The following SPAG9 variants were observed in gnomAD, a reference collection of about 807,000 sequenced individuals.
SPAG9 encodes the protein C-Jun-amino-terminal kinase-interacting protein 4.
In SPAG9, 35 loss-of-function variants were observed where a neutral mutation model predicts 166.5. The ratio of observed to expected loss-of-function variants is 0.21; its 90% CI spans 0.16 to 0.28. SPAG9 has a LOEUF of 0.28. Ranked by LOEUF, SPAG9 falls within the 10% of genes least tolerant of loss-of-function variation. The pLI is 1.00. For synonymous variants in SPAG9, 534 were observed against 565.5 expected (o/e 0.94, Z 0.79); for missense variants, 1,235 against 1,603.3 (o/e 0.77, Z 3.92).
chr17:51,003,698 T>C (rs1046161727), intron 12 of SPAG9, among the ~76,000 whole-genome samples: 2 of 152,202 alleles, frequency 1.3e-5, no homozygotes, highest in African/African-American at 2.4e-5. Flanking sequence ...GCTGAAAGGT[T>C]TGGGACATAA....
chr17:50,978,460 A>G (rs1305203365), intron 26 of SPAG9, among the ~76,000 whole-genome samples: 2 of 152,212 alleles, frequency 1.3e-5, no homozygotes, highest in Admixed American at 1.3e-4. Context: ...GACATTTCTA[A>G]TAATCATTAT....
chr17:51,112,178 T>TAGTC (rs2049132095), intron 1 of SPAG9, among the ~76,000 whole-genome samples: 1 of 152,000 alleles, frequency 6.6e-6, no homozygotes. Context: ...AGTGTCTGAA[T>TAGTC]GACTAGGTGC....
At chr17:51,042,288 A>T (rs1384354317) in intron 4 of SPAG9, among the ~76,000 whole-genome samples, 1 of 152,224 alleles carries the variant, frequency 6.6e-6, no homozygotes, top group Non-Finnish European at 1.5e-5. Flanking sequence ...CCAAATAAGA[A>T]GGTCAAATAA....
intron 2 of SPAG9, among the ~76,000 whole-genome samples, chr17:51,064,125 T>C (rs572026132): frequency 1.3e-5 from 2 of 152,282 alleles, no homozygotes; most frequent in Non-Finnish European, 2.9e-5. Flanking sequence ...CCTTAACTAA[T>C]TCATTTATCT....
chr17:51,061,914 A>T (rs1350759264), intron 2 of SPAG9, among the ~76,000 whole-genome samples: 2 of 152,298 alleles, frequency 1.3e-5, no homozygotes, highest in Non-Finnish European at 2.9e-5. Flanking sequence ...CCTCAGAAAT[A>T]ACATTTGATA....
chr17:51,001,251 G>C (rs892621427), intron 13 of SPAG9, among the ~76,000 whole-genome samples: 1 of 152,192 alleles, frequency 6.6e-6, no homozygotes, highest in Non-Finnish European at 1.5e-5. Flanking sequence ...TGGCAGCATT[G>C]GGTGAGATTT....
chr17:51,066,652 C>T (rs917050490), intron 2 of SPAG9, among the ~76,000 whole-genome samples: 4 of 151,102 alleles, frequency 2.6e-5, no homozygotes, highest in African/African-American at 7.3e-5. Context: ...GTCAGGAGAT[C>T]GAGACCATCC....
intron 5 of SPAG9, among the ~76,000 whole-genome samples, chr17:51,040,990 G>A (rs2046816920): frequency 6.6e-6 from 1 of 152,070 alleles, no homozygotes; most frequent in Non-Finnish European, 1.5e-5. Flanking sequence ...CAAGTTCTTG[G>A]TCAAGAACAT....
intron 28 of SPAG9, among the ~76,000 whole-genome samples, chr17:50,972,963 C>T (rs903011722): frequency 6.6e-6 from 1 of 152,132 alleles, no homozygotes; most frequent in Non-Finnish European, 1.5e-5. Context: ...TACACATGCA[C>T]ACAAGAAGGT....
At chr17:51,089,663 T>TATATATATATAC (rs1403230293) in intron 1 of SPAG9, among the ~76,000 whole-genome samples, 4 of 78,288 alleles carry the variant, frequency 5.1e-5, no homozygotes, top group East Asian at 3.4e-4. Flanking sequence ...TATATATATA[T>TATATATATATAC]ACACATACAC....
chr17:51,079,450 G>A, intron 2 of SPAG9, 134 bp downstream of exon 2: 3 of 684,358 alleles, frequency 4.4e-6, no homozygotes, highest in Non-Finnish European at 7.3e-6. Flanking sequence ...TGTTGACCAG[G>A]CTGGTCTTGA....
At chr17:51,021,103 A>G (rs966939500) in intron 7 of SPAG9, 55 bp downstream of exon 7, 4 of 1,453,818 alleles carry the variant, frequency 2.8e-6, no homozygotes, top group African/African-American at 2.8e-5. Context: ...TCATACCCAC[A>G]TTATCCAGGT....
At position 51,045,257 on chromosome 17, in the gene SPAG9, A is replaced by C. The variant is rs192580603; in HGVS notation, c.590+2118T>G. The stretch of plus-strand genomic sequence containing the variant: ...GCCCTCTCAAATGAAGCCTAAACCC[A>C]AGACATCCCCTTAACATTAGTCTTA... On this transcript the variant is annotated intron_variant, in intron 4 of 29. Coordinates refer to ENST00000262013, the MANE Select transcript of SPAG9 (RefSeq NM_001130528.3). Among the ~76,000 whole-genome samples, 484 of 152,306 alleles carry C rather than the reference A, an allele frequency of 3.2e-3. 2 individuals carry two copies. Among genetic ancestry groups the C allele is most frequent in the African/African-American group, 0.011 (465 of 41,564 alleles).
At chr17:50,968,082 C>G (rs1973495709) in intron 29 of SPAG9, among the ~76,000 whole-genome samples, 1 of 152,216 alleles carries the variant, frequency 6.6e-6, no homozygotes, top group African/African-American at 2.4e-5. Flanking sequence ...AGTGGAGTCC[C>G]TAACAACTCC....
At chr17:50,981,813 C>T (rs374923897) in intron 25 of SPAG9, among the ~76,000 whole-genome samples, 1 of 151,268 alleles carries the variant, frequency 6.6e-6, no homozygotes, top group South Asian at 2.1e-4. Flanking sequence ...GGGCGGATCA[C>T]GAGGTTGGGA....
At chr17:51,000,791 A>G (rs2044911046) in intron 13 of SPAG9, among the ~76,000 whole-genome samples, 1 of 148,448 alleles carries the variant, frequency 6.7e-6, no homozygotes, top group South Asian at 2.2e-4. Context: ...ATAAATAAAT[A>G]AGGTCCACTT....
At chr17:51,097,848 G>C (rs1261476468) in intron 1 of SPAG9, among the ~76,000 whole-genome samples, 1 of 152,122 alleles carries the variant, frequency 6.6e-6, no homozygotes, top group Non-Finnish European at 1.5e-5. Flanking sequence ...CTGGGTTGGA[G>C]TGCAGGTGAC....
intron 4 of SPAG9, among the ~76,000 whole-genome samples, chr17:51,045,072 AC>A (rs1354835099): frequency 6.6e-6 from 1 of 152,158 alleles, no homozygotes; most frequent in Non-Finnish European, 1.5e-5. Flanking sequence ...AAACCACCCA[AC>A]GGGGTAAGTC....
At chr17:51,027,067 G>A (rs533137405) in intron 6 of SPAG9, among the ~76,000 whole-genome samples, 41 of 152,228 alleles carry the variant, frequency 2.7e-4, no homozygotes, top group African/African-American at 5.8e-4. Flanking sequence ...CACTTAGATG[G>A]GAAATCGGAC....
Sources: allele counts gnomAD v4.1 joint callset (sites outside exome capture counted in the v4.1 genomes callset), GRCh38; gene constraint gnomAD v4.1.1; transcripts MANE v1.5; gene names NCBI Gene and HGNC (gene_info 2026-07-23, HGNC 2026-07-21).